The following RALGAPA1 variants were observed in gnomAD, a reference collection of about 807,000 sequenced individuals.
The protein encoded by RALGAPA1 is Ral GTPase activating protein catalytic subunit alpha 1.
RALGAPA1 carries 52 observed loss-of-function variants against 269.6 expected under a neutral mutation model. That is an observed-to-expected ratio of 0.19 (90% CI 0.15 to 0.24). The LOEUF is 0.24. Among genes scored for constraint, RALGAPA1 ranks in the 10% least tolerant of loss-of-function variants. The pLI, the probability that RALGAPA1 is intolerant of heterozygous loss-of-function variation, is 1.00. For missense variants in RALGAPA1, 1,917 were observed against 3,013.9 expected (o/e 0.64, Z 8.52); for synonymous variants, 817 against 1,008.3 (o/e 0.81, Z 3.60).
At chr14:35,610,426 G>T (rs145084174) in intron 35 of RALGAPA1, among the ~76,000 whole-genome samples, 6,212 of 152,002 alleles carry the variant, frequency 0.041, 361 homozygotes, top group African/African-American at 0.12. Flanking sequence ...GGGACTACAG[G>T]TGCCCACCAC....
intron 32 of RALGAPA1, 56 bp downstream of exon 32, chr14:35,635,408 C>T (rs2139744118): frequency 2.0e-6 from 3 of 1,476,466 alleles, no homozygotes; most frequent in Middle Eastern, 2.5e-4. Flanking sequence ...AATGTTATTT[C>T]TCTAGGTTTT....
chr14:35,572,491 T>TGGA, intron 38 of RALGAPA1, 69 bp downstream of exon 38: 1 of 1,244,520 alleles, frequency 8.0e-7, no homozygotes, highest in Admixed American at 2.4e-5. Flanking sequence ...TTCTGTAACA[T>TGGA]GGAAAGAAAC....
At chr14:35,713,390 C>T (rs796081132) in intron 16 of RALGAPA1, among the ~76,000 whole-genome samples, 1 of 152,232 alleles carries the variant, frequency 6.6e-6, no homozygotes, top group African/African-American at 2.4e-5. Context: ...ATTCTCTATC[C>T]CCACTGTTTG....
intron 37 of RALGAPA1, among the ~76,000 whole-genome samples, chr14:35,588,119 A>G (rs2058419598): frequency 6.6e-6 from 1 of 152,070 alleles, no homozygotes; most frequent in Non-Finnish European, 1.5e-5. Flanking sequence ...GTTGGCCAGG[A>G]TGCTCTCAAT....
At chr14:35,570,260 G>A in intron 39 of RALGAPA1, among the ~76,000 whole-genome samples, 1 of 140,258 alleles carries the variant, frequency 7.1e-6, no homozygotes, top group Non-Finnish European at 1.5e-5. Flanking sequence ...ACAAAAGTGA[G>A]ACTCCATCTC....
chr14:35,765,851 T>C, intron 4 of RALGAPA1: 4 of 701,758 alleles, frequency 5.7e-6, no homozygotes, highest in Non-Finnish European at 1.0e-5. Flanking sequence ...GCTATAGTAG[T>C]TCCGAAATTG....
chr14:35,688,983 G>A lies in RALGAPA1; in HGVS notation c.3428C>T (p.Ala1143Val), dbSNP rs2066232314. 1.6e-6 allele frequency: 2 copies of A among 1,236,624 alleles called. No homozygotes were observed. The highest frequency in any genetic ancestry group is 1.0e-6 in the Non-Finnish European group (1 of 990,640). The allele number at this position is 1,236,624 out of a possible 1,614,324, so 76.6% of individuals were successfully genotyped here. The change falls in exon 18 of 42, where the codon GCT (alanine) becomes GTT (valine). Residue 1143 changes from alanine to valine, a missense_variant. Around this residue, in one of 11 missense-constraint regions of RALGAPA1, gnomAD observed 615 missense variants for 790.0 expected, o/e 0.78. Coordinates refer to ENST00000680220, the MANE Select transcript of RALGAPA1 (RefSeq NM_001346249.2). The part of the protein sequence containing the change: ...VTHRAKIMKI[A>V]TKKRNSVHVT... ...ATGAACACTATTTCGTTTTTTAGTA[G>A]CAATTTTCATGATTTTGGCTCTATG...
chr14:35,696,580 T>C (rs1323845153), intron 17 of RALGAPA1, among the ~76,000 whole-genome samples: 1 of 149,498 alleles, frequency 6.7e-6, no homozygotes, highest in Admixed American at 6.6e-5. Flanking sequence ...AAACTGATGG[T>C]CCTTTCTCAT....
intron 33 of RALGAPA1, among the ~76,000 whole-genome samples, chr14:35,628,613 T>A (rs561519264): frequency 6.6e-6 from 1 of 152,330 alleles, no homozygotes; most frequent in South Asian, 2.1e-4. Flanking sequence ...CTTTTACAGA[T>A]AATGTAAAAA....
intron 35 of RALGAPA1, among the ~76,000 whole-genome samples, chr14:35,609,661 AC>A (rs1187961354): frequency 6.6e-6 from 1 of 152,126 alleles, no homozygotes; most frequent in Non-Finnish European, 1.5e-5. Context: ...AGTGGTTCAT[AC>A]CTGTAATCCC....
At chr14:35,659,840 A>G (rs2063422054) in intron 27 of RALGAPA1, among the ~76,000 whole-genome samples, 1 of 152,084 alleles carries the variant, frequency 6.6e-6, no homozygotes, top group African/African-American at 2.4e-5. Flanking sequence ...AAGCAATAAA[A>G]CTAATACATC....
chr14:35,750,953 A>T (rs780228457), intron 8 of RALGAPA1, among the ~76,000 whole-genome samples: 10 of 152,184 alleles, frequency 6.6e-5, no homozygotes, highest in Non-Finnish European at 1.3e-4. Context: ...AGTACAAAGA[A>T]GCTTCCAGAA....
At chr14:35,666,215 A>C (rs1289795234) in intron 26 of RALGAPA1, among the ~76,000 whole-genome samples, 1 of 151,900 alleles carries the variant, frequency 6.6e-6, no homozygotes, top group Non-Finnish European at 1.5e-5. Flanking sequence ...TATAAACAAC[A>C]AGGGTCATCT....
intron 1 of RALGAPA1, among the ~76,000 whole-genome samples, chr14:35,804,566 C>A (rs2077214120): frequency 7.1e-6 from 1 of 140,490 alleles, no homozygotes; most frequent in Non-Finnish European, 1.5e-5. Flanking sequence ...GAGACTCCAT[C>A]TCAAAAATAA....
intron 31 of RALGAPA1, among the ~76,000 whole-genome samples, chr14:35,646,546 G>T (rs1055924557): frequency 6.6e-6 from 1 of 152,104 alleles, no homozygotes; most frequent in African/African-American, 2.4e-5. Flanking sequence ...TAACTAGACT[G>T]TATTCTTTAA....
rs529076493 is a variant in RALGAPA1 at position 35,658,947 on chromosome 14, G to A, written c.5387+191C>T. Among the ~76,000 whole-genome samples, 8 of 152,096 alleles carry A rather than the reference G, an allele frequency of 5.3e-5. No homozygotes were observed. In the East Asian group the frequency reaches 1.5e-3, roughly 29 times the overall value. On this transcript the variant is annotated intron_variant, in intron 28 of 41. Coordinates refer to ENST00000680220, the MANE Select transcript of RALGAPA1 (RefSeq NM_001346249.2). ...TACTGAAAAAGGTGACTAGGATTCT[G>A]TTTATGAAGAAAGGTTAGTATTTAA...
At chr14:35,611,395 G>A (rs921726851) in intron 35 of RALGAPA1, among the ~76,000 whole-genome samples, 2 of 152,004 alleles carry the variant, frequency 1.3e-5, no homozygotes, top group African/African-American at 2.4e-5. Context: ...CCAGCTACTC[G>A]GGAGGCTGAG....
At chr14:35,745,865 G>A (rs147569296) in intron 10 of RALGAPA1, among the ~76,000 whole-genome samples, 542 of 151,934 alleles carry the variant, frequency 3.6e-3, no homozygotes, top group Non-Finnish European at 4.8e-3. Context: ...AGAGAGGATG[G>A]CTTTAGGCAA....
chr14:35,700,030 A>C (rs2067215884), intron 17 of RALGAPA1, 132 bp downstream of exon 17: 1 of 749,856 alleles, frequency 1.3e-6, no homozygotes. Flanking sequence ...TGATTTCTCA[A>C]TCACTTTCCC....
Sources: gnomAD v4.1 joint callset for allele counts (sites outside exome capture counted in the v4.1 genomes callset) on GRCh38, gnomAD v4.1.1 for gene constraint, gnomAD v4.1.1 regional missense constraint, MANE v1.5 for transcripts, NCBI Gene and HGNC (gene_info 2026-07-23, HGNC 2026-07-21) for gene names.